ZNF12: variants seen among roughly 807,000 people sequenced by gnomAD.
ZNF12 encodes gonadotropin inducible transcription repressor 3.
In ZNF12, 34 loss-of-function variants were observed where a neutral mutation model predicts 66.6. That is an observed-to-expected ratio of 0.51 (90% CI 0.39 to 0.68). The LOEUF (loss-of-function observed/expected upper bound fraction) is 0.68, where lower values mean the gene tolerates loss of function less well. ZNF12 is among the 30% of genes least tolerant of loss of function. ZNF12 has a pLI of 0.00. For synonymous variants in ZNF12, 320 were observed against 278.9 expected, an observed-to-expected ratio of 1.15 and a Z score of -1.47; for missense variants, 697 against 826.9, an observed-to-expected ratio of 0.84 and a Z score of 1.93.
At chr7:6,702,303 A>ACACACAC (rs1780257958) in intron 2 of ZNF12, among the ~76,000 whole-genome samples, 32 of 122,898 alleles carry the variant, frequency 2.6e-4, no homozygotes, top group East Asian at 4.5e-4. Flanking sequence ...AAACTCCACA[A>ACACACAC]ACACACACAC....
intron 4 of ZNF12, among the ~76,000 whole-genome samples, chr7:6,695,853 G>A (rs1294516375): frequency 6.6e-6 from 1 of 152,222 alleles, no homozygotes; most frequent in African/African-American, 2.4e-5. Flanking sequence ...TAAAGAATGT[G>A]TTATGTGGGG....
At chr7:6,699,144 G>A (rs191856143) in intron 2 of ZNF12, among the ~76,000 whole-genome samples, 15 of 152,308 alleles carry the variant, frequency 9.8e-5, no homozygotes, top group African/African-American at 3.6e-4. Flanking sequence ...TGTGTGTTAA[G>A]AACAAAGAGG....
Position 6,692,475 on chromosome 7 carries a change from C to T in ZNF12, c.467G>A (p.Ser156Asn), listed in dbSNP as rs754375412. The T allele has an allele frequency of 6.2e-7, 1 of 1,613,342 alleles. No homozygotes were observed. The highest frequency in any genetic ancestry group is 8.5e-7 in the Non-Finnish European group (1 of 1,179,656). The change falls in exon 5 of 5, where the codon AGT becomes AAT. Residue 156 changes from serine to asparagine, a missense_variant. Around this residue, in one of 3 missense-constraint regions of ZNF12, gnomAD observed 241 missense variants for 224.0 expected, o/e 1.08. Coordinates refer to ENST00000405858, the MANE Select transcript of ZNF12 (RefSeq NM_016265.4). The surrounding 1 kb of genome is among the most constrained non-coding windows in gnomAD (Gnocchi z 5.1). ...CLTSVSEYIS[S>N]DGSYARMKAD... is the part of the protein sequence containing the mutation. ...TTTCATTCTTGCATAGCTTCCATCA[C>T]TACTAATATATTCTGAAACAGACGT...
rs182679456 is a variant in ZNF12, at chr7:6,693,893, C to T, written c.239-1190G>A. 8.5e-5 allele frequency among the ~76,000 whole-genome samples: 13 copies of T among 152,326 alleles called. No homozygotes were observed. The East Asian group carries it at 1.2e-3, about 14-fold the overall frequency. On this transcript the variant is annotated intron_variant, in intron 4 of 4. Transcript: ENST00000405858. ...CTTACAAATCAGATCCCTGGCCGGG[C>T]GTGGTAGCTCACGCCTGTAATCCCA... is the stretch of plus-strand genomic sequence containing the variant.
At chr7:6,702,267 A>G (rs945133711) in intron 2 of ZNF12, among the ~76,000 whole-genome samples, 2 of 88,054 alleles carry the variant, frequency 2.3e-5, no homozygotes, top group South Asian at 7.3e-4. Flanking sequence ...CAGACTGCAC[A>G]TGGGAGAGTA....
rs1780150596 is a variant in ZNF12, at chr7:6,696,106, T to G, written c.238+1233A>C. Among the ~76,000 whole-genome samples, 1 of 152,212 alleles carries G rather than the reference T, an allele frequency of 6.6e-6. No homozygotes were observed. On this transcript the variant is annotated intron_variant, in intron 4 of 4. Coordinates refer to ENST00000405858, the MANE Select transcript of ZNF12 (RefSeq NM_016265.4). The surrounding 1 kb of genome is among the most constrained non-coding windows in gnomAD (Gnocchi z 4.0). ...TTATCTTGTGAGGCTAGCGATGATA[T>G]CAACTGGAAACTTTAGATGAAGACA...
In ZNF12 at chr7:6,706,506, C is replaced by G. The variant is rs1463683905; in HGVS notation, c.-125G>C. On this transcript the variant is annotated 5_prime_UTR_variant, in exon 1 of 5. Transcript: ENST00000405858. ...CGGGATTGCTGTCGCGGGCGCGCGT[C>G]TGCTCGCGAGGTCCCTTCCTGTCCA... The G allele has an allele frequency of 2.1e-6, 1 of 471,428 alleles. No homozygotes were observed. Among genetic ancestry groups the G allele is most frequent in the Non-Finnish European group, 4.2e-6 (1 of 236,870 alleles). 29.2% of individuals were successfully genotyped at this position (471,428 alleles called of 1,614,324 possible).
rs1189479794 is a variant in ZNF12 at position 6,692,449 on chromosome 7, C to G, written c.493G>C (p.Ala165Pro). 6.2e-7 allele frequency: 1 copy of G among 1,612,870 alleles called. No individual in the cohort carries two copies. The highest frequency in any genetic ancestry group is 8.5e-7 in the Non-Finnish European group (1 of 1,179,372). Residue 165 changes from alanine to proline, a missense_variant, in exon 5 of 5, where the codon GCT (alanine) becomes CCT (proline). Ala to Pro is a conservative substitution (Grantham distance 27). This residue lies in a region of ZNF12 where 241 missense variants were observed against 224.0 expected (regional missense o/e 1.08). Transcript: ENST00000405858. The surrounding 1 kb of genome is among the most constrained non-coding windows in gnomAD (Gnocchi z 5.1). The stretch of plus-strand genomic sequence containing the variant: ...TTCCCACATCCACTACATTCATCAG[C>G]TTTCATTCTTGCATAGCTTCCATCA... ...SSDGSYARMK[A>P]DECSGCGKSL...
Position 6,705,143 on chromosome 7 carries a change from G to T in ZNF12, c.15+16C>A. On this transcript the variant is annotated intron_variant, in intron 2 of 4. Coordinates refer to ENST00000405858, the MANE Select transcript of ZNF12 (RefSeq NM_016265.4). This position sits in a 1 kb window ranked among gnomAD's most constrained non-coding sequence, Gnocchi z 4.0. ...AAATCAGAGTAGAGAATAAATACAT[G>T]AACAGAAACACTCACCAGGGATTTA... The T allele has an allele frequency of 1.9e-6, 3 of 1,613,108 alleles. No homozygotes were observed. In the South Asian group the frequency reaches 3.3e-5, roughly 18 times the overall value.
intron 2 of ZNF12, among the ~76,000 whole-genome samples, chr7:6,703,520 G>T (rs1780292041): frequency 6.6e-6 from 1 of 152,180 alleles, no homozygotes; most frequent in Non-Finnish European, 1.5e-5. Context: ...AGGGCTACAG[G>T]CTGGACGATG....
rs1369489689 is a variant in ZNF12, at chr7:6,700,332, CACACAT to C, written c.16-2527_16-2522del. Reference sequence around the variant, plus strand: ...ACACACACACACACACACACACACACACACATATATATACATATGTGCCAGGGACAC... The same window carrying C: ...ACACACACACACACACACACACACACATATATACATATGTGCCAGGGACAC... On this transcript the variant is annotated intron_variant, in intron 2 of 4. Coordinates refer to ENST00000405858, the MANE Select transcript of ZNF12 (RefSeq NM_016265.4). Among the ~76,000 whole-genome samples the C allele has an allele frequency of 1.4e-3, 206 of 148,914 alleles. 2 individuals are homozygous for C. The highest frequency in any genetic ancestry group is 4.9e-3 in the African/African-American group (194 of 39,392).
At position 6,696,051 on chromosome 7, in the gene ZNF12, T is replaced by G. The variant is rs1780149178; in HGVS notation, c.238+1288A>C. 6.6e-6 allele frequency among the ~76,000 whole-genome samples: 1 copy of G among 152,178 alleles called. No homozygotes were observed. Among genetic ancestry groups the G allele is most frequent in the South Asian group, 2.1e-4 (1 of 4,838 alleles). On this transcript the variant is annotated intron_variant, in intron 4 of 4. Coordinates refer to ENST00000405858, the MANE Select transcript of ZNF12 (RefSeq NM_016265.4). The surrounding 1 kb of genome is among the most constrained non-coding windows in gnomAD (Gnocchi z 4.0). ...AAGGGACAAGGAATTAAAATTCCCTTTAGGAAGTAAAATGTAACCAACTAT... is the reference window on the plus strand; with the variant it reads ...AAGGGACAAGGAATTAAAATTCCCTGTAGGAAGTAAAATGTAACCAACTAT...
Position 6,688,494 on chromosome 7 carries a change from C to T in ZNF12, c.*2354G>A, listed in dbSNP as rs1308574057. On this transcript the variant is annotated 3_prime_UTR_variant, in exon 5 of 5. Transcript: ENST00000405858. The surrounding 1 kb of genome is among the most constrained non-coding windows in gnomAD (Gnocchi z 4.3). ...TGTACAATTAATGTATAATGACACA[C>T]CAGTGTGAGAAACCTCCATAGGTAT... 1.3e-5 allele frequency: 2 copies of T among 152,148 alleles called. No individual in the cohort carries two copies. Among genetic ancestry groups the T allele is most frequent in the Non-Finnish European group, 2.9e-5 (2 of 68,032 alleles). The allele number at this position is 152,148 out of a possible 1,614,324, so 9.4% of individuals were successfully genotyped here.
chr7:6,697,193 G>T lies in ZNF12; in HGVS notation c.238+146C>A. 1 of 539,526 alleles carries T rather than the reference G, an allele frequency of 1.9e-6. No individual in the cohort carries two copies. The highest frequency in any genetic ancestry group is 3.2e-6 in the Non-Finnish European group (1 of 314,844). The allele number at this position is 539,526 out of a possible 1,614,324, so 33.4% of individuals were successfully genotyped here. ...CATAAACATAAGTTCTTACGGGGAA[G>T]GAAGAAGTCTTTGGGAGTGAGATTC... On this transcript the variant is annotated intron_variant, in intron 4 of 4. Coordinates refer to ENST00000405858, the MANE Select transcript of ZNF12 (RefSeq NM_016265.4). This position sits in a 1 kb window ranked among gnomAD's most constrained non-coding sequence, Gnocchi z 6.1.
intron 4 of ZNF12, among the ~76,000 whole-genome samples, chr7:6,693,450 A>C (rs1179907613): frequency 6.6e-6 from 1 of 152,258 alleles, no homozygotes; most frequent in Non-Finnish European, 1.5e-5. Flanking sequence ...TCTTGTGAGG[A>C]TAGCGATGAG....
At position 6,692,844 on chromosome 7, in the gene ZNF12, A is replaced by C; in HGVS notation, c.239-141T>G. 1.3e-6 allele frequency: 1 copy of C among 773,624 alleles called. No individual in the cohort carries two copies. The highest frequency in any genetic ancestry group is 1.8e-5 in the African/African-American group (1 of 55,594). 47.9% of individuals were successfully genotyped at this position (773,624 alleles called of 1,614,324 possible). A position where few individuals can be genotyped will look rare whatever the true frequency, so the allele number is the denominator to read the frequency against. On this transcript the variant is annotated intron_variant, in intron 4 of 4. Coordinates refer to ENST00000405858, the MANE Select transcript of ZNF12 (RefSeq NM_016265.4). The surrounding 1 kb of genome is among the most constrained non-coding windows in gnomAD (Gnocchi z 5.1). Reference sequence around the variant, plus strand: ...AACAGATGAAAATAATTCCAAGTGTACTCTTCTCCTTTATGCTTTTGCTTA... The same window carrying C: ...AACAGATGAAAATAATTCCAAGTGTCCTCTTCTCCTTTATGCTTTTGCTTA...
rs1780184217 is a variant in ZNF12, at chr7:6,698,321, T to C, written c.16-510A>G. On this transcript the variant is annotated intron_variant, in intron 2 of 4. Transcript: ENST00000405858. The surrounding 1 kb of genome is among the most constrained non-coding windows in gnomAD (Gnocchi z 4.4). ...TCTTTTTCTCTTTGCTGTCTGTACT[T>C]GCTGCTTTGATGGTGAGCCCTCTTC... Among the ~76,000 whole-genome samples, 1 of 152,218 alleles carries C rather than the reference T, an allele frequency of 6.6e-6. No individual in the cohort carries two copies. Among genetic ancestry groups the C allele is most frequent in the Non-Finnish European group, 1.5e-5 (1 of 68,046 alleles).
rs1236016927 is a variant in ZNF12 at position 6,706,726 on chromosome 7, C to T, written c.-345G>A. 1 of 242,316 alleles carries T rather than the reference C, an allele frequency of 4.1e-6. No homozygotes were observed. The highest frequency in any genetic ancestry group is 8.1e-6 in the Non-Finnish European group (1 of 123,996). 15.0% of individuals were successfully genotyped at this position (242,316 alleles called of 1,614,324 possible). ...CCTTCGCCTCCGCCGTCGTCACCGC[C>T]CGGCCGGCCCCTTGGGCCCCAGCGC... On this transcript the variant is annotated 5_prime_UTR_variant, in exon 1 of 5. Coordinates refer to ENST00000405858, the MANE Select transcript of ZNF12 (RefSeq NM_016265.4).
At chr7:6,701,620 T>C (rs1780244122) in intron 2 of ZNF12, among the ~76,000 whole-genome samples, 1 of 152,140 alleles carries the variant, frequency 6.6e-6, no homozygotes, top group South Asian at 2.1e-4. Flanking sequence ...AGGATGCAGC[T>C]GCTCTCTCCC....
Sources: allele counts gnomAD v4.1 joint callset (sites outside exome capture counted in the v4.1 genomes callset), GRCh38; gene constraint gnomAD v4.1.1; regional missense constraint gnomAD v4.1.1; non-coding constraint Gnocchi (gnomAD v3.1); transcripts MANE v1.5; gene names NCBI Gene and HGNC (gene_info 2026-07-23, HGNC 2026-07-21).